Variants in MYH6 observed in about 807,000 individuals in gnomAD.
MYH6 encodes myosin-6.
In MYH6, 126 loss-of-function variants were observed where a neutral mutation model predicts 223.2. The ratio of observed to expected loss-of-function variants is 0.56; its 90% CI spans 0.49 to 0.65. The LOEUF is 0.65. Among genes scored for constraint, MYH6 ranks in the 30% least tolerant of loss-of-function variants. The pLI, the probability that MYH6 is intolerant of heterozygous loss-of-function variation, is 0.00. For missense variants in MYH6, 2,040 were observed against 2,536.4 expected (o/e 0.80, Z 4.20); for synonymous variants, 978 against 1,010.2 (o/e 0.97, Z 0.61).
chr14:23,384,751 GC>G (rs1566504680), intron 35 of MYH6, 34 bp from the exon 36 acceptor site: 3 of 1,614,176 alleles, frequency 1.9e-6, no homozygotes, highest in Non-Finnish European at 8.5e-7. Context: ...AGGAACATGG[GC>G]CAGGGGCCGG....
intron 10 of MYH6, 146 bp from the exon 11 acceptor site, chr14:23,402,946 A>G (rs550481590): frequency 2.9e-6 from 2 of 701,644 alleles, no homozygotes; most frequent in Non-Finnish European, 5.0e-6. Flanking sequence ...CAGGGAGAGA[A>G]GAGAAGTCAG....
chr14:23,396,904 C>A, intron 18 of MYH6, 59 bp downstream of exon 18: 1 of 1,612,532 alleles, frequency 6.2e-7, no homozygotes. Flanking sequence ...AGATCCCATT[C>A]CCATCAGGGC....
rs1283312830 is a variant in MYH6 at position 23,392,949 on chromosome 14, C to G, written c.3214G>C (p.Glu1072Gln). ...KLTQESIMDL[E>Q]NDKLQLEEKL... ...TCTTCCAGCTGCAGTTTATCATTTT[C>G]CAGGTCCATGATGCTCTCCTGGGTC... Residue 1072 changes from glutamate (E) to glutamine (Q), a missense_variant, in exon 24 of 39, where the codon GAA becomes CAA. Around this residue, in one of 4 missense-constraint regions of MYH6, gnomAD observed 1,203 missense variants for 1,400.2 expected, o/e 0.86. Coordinates refer to ENST00000405093, the MANE Select transcript of MYH6 (RefSeq NM_002471.4). The G allele has an allele frequency of 6.2e-7, 1 of 1,614,218 alleles. No individual in the cohort carries two copies. The highest frequency in any genetic ancestry group is 1.1e-5 in the South Asian group (1 of 91,084).
At position 23,405,438 on chromosome 14, in the gene MYH6, G is replaced by T. The variant is rs971301050; in HGVS notation, c.346-59C>A. 9 of 1,612,420 alleles carry T rather than the reference G, an allele frequency of 5.6e-6. No homozygotes were observed. The highest frequency in any genetic ancestry group is 1.3e-5 in the African/African-American group (1 of 75,018). ...GTGGGGAGAGCCTGGGACAGGCAGT[G>T]GTGGCAGCCAGGCATGTCCCTGTTC... On this transcript the variant is annotated intron_variant, in intron 4 of 38. Coordinates refer to ENST00000405093, the MANE Select transcript of MYH6 (RefSeq NM_002471.4). This position sits in a 1 kb window ranked among gnomAD's most constrained non-coding sequence, Gnocchi z 4.7.
rs1881971078 is a variant in MYH6, at chr14:23,386,525, C to G, written c.4749G>C (p.Glu1583Asp). ...GGTTGCGCTTGGCCTGTTCCATCTC[C>G]TCGTCCTTCTCTGCCAGCTTCCGCT... ...EIERKLAEKD[E>D]EMEQAKRNHQ... The change falls in exon 33 of 39, where the codon GAG becomes GAC. Residue 1583 changes from glutamate to aspartate, a missense_variant. By Grantham distance (45) the Glu-to-Asp change is conservative (BLOSUM62 2). Transcript: ENST00000405093. 1.9e-6 allele frequency: 3 copies of G among 1,614,158 alleles called. No homozygotes were observed. The highest frequency in any genetic ancestry group is 2.5e-6 in the Non-Finnish European group (3 of 1,180,022).
At position 23,398,949 on chromosome 14, in the gene MYH6, T is replaced by C; in HGVS notation, c.1670A>G (p.His557Arg). 1.9e-6 allele frequency: 3 copies of C among 1,614,038 alleles called. No homozygotes were observed. Among genetic ancestry groups the C allele is most frequent in the Non-Finnish European group, 2.5e-6 (3 of 1,180,006 alleles). ...MTFKAKLYDN[H>R]LGKSNNFQKP... Reference sequence around the variant, plus strand: ...CTGGAAATTGTTGGACTTGCCCAGGTGGTTGTCGTACAGCTTGGCCTTGAA... The same window carrying C: ...CTGGAAATTGTTGGACTTGCCCAGGCGGTTGTCGTACAGCTTGGCCTTGAA... The change falls in exon 15 of 39, where the codon CAC becomes CGC. Residue 557 changes from histidine (H) to arginine (R), a missense_variant. By Grantham distance (29) the His-to-Arg change is conservative. This residue lies in a region of MYH6 where 649 missense variants were observed against 877.3 expected (regional missense o/e 0.74). Transcript: ENST00000405093.
rs761261129 is a variant in MYH6, at chr14:23,396,649, C to T, written c.2292+45G>A. On this transcript the variant is annotated intron_variant, in intron 19 of 38. Coordinates refer to ENST00000405093, the MANE Select transcript of MYH6 (RefSeq NM_002471.4). ...CTAAACTCCTCTCTGCTCCACTCAACATGGCCACCTGCCCTGCAACCACCC... is the reference window on the plus strand; with the variant it reads ...CTAAACTCCTCTCTGCTCCACTCAATATGGCCACCTGCCCTGCAACCACCC... 2.2e-5 allele frequency: 35 copies of T among 1,613,898 alleles called. No homozygotes were observed. In the South Asian group the frequency reaches 3.3e-4, roughly 15 times the overall value.
In MYH6 at chr14:23,389,250, C is replaced by T. The variant is rs1046311626; in HGVS notation, c.3978+143G>A. 132 of 1,166,470 alleles carry T rather than the reference C, an allele frequency of 1.1e-4. No homozygotes were observed. The South Asian group carries it at 1.2e-3, about 11-fold the overall frequency. 72.3% of individuals were successfully genotyped at this position (1,166,470 alleles called of 1,614,324 possible). A position where few individuals can be genotyped will look rare whatever the true frequency, so the allele number is the denominator to read the frequency against. ...GAATAAGAAAAGAGGCATTAAATGA[C>T]GCTTAGCTGCAGGGCAGAACCTAGA... On this transcript the variant is annotated intron_variant, in intron 28 of 38. Coordinates refer to ENST00000405093, the MANE Select transcript of MYH6 (RefSeq NM_002471.4).
Position 23,397,246 on chromosome 14 carries a change from G to A in MYH6, c.1974C>T (p.Asn658=). 6.2e-7 allele frequency: 1 copy of A among 1,614,196 alleles called. No homozygotes were observed. Among genetic ancestry groups the A allele is most frequent in the Admixed American group, 1.7e-5 (1 of 60,032 alleles). ...TVSALHRENL[N]KLMTNLRTTH... is the part of the protein sequence containing the mutation. ...TGGTCCTCAGGTTGGTCATTAGCTT[G>A]TTGAGATTTTCCTGGAGGCAGATGA... Residue 658 remains asparagine, a synonymous_variant, in exon 17 of 39, where the codon AAC becomes AAT. Coordinates refer to ENST00000405093, the MANE Select transcript of MYH6 (RefSeq NM_002471.4).
intron 37 of MYH6, 100 bp downstream of exon 37, chr14:23,383,125 A>G: frequency 9.2e-7 from 1 of 1,090,472 alleles, no homozygotes; most frequent in Non-Finnish European, 1.4e-6. Flanking sequence ...GTTAAAGTTT[A>G]TAGCAAACTC....
chr14:23,385,887 C>A, intron 34 of MYH6, 41 bp downstream of exon 34: 1 of 1,613,876 alleles, frequency 6.2e-7, no homozygotes, highest in Non-Finnish European at 8.5e-7. Context: ...CTGGGCTCTG[C>A]ACTCAGTAGG....
chr14:23,388,654 A>G, intron 29 of MYH6: 1 of 933,168 alleles, frequency 1.1e-6, no homozygotes, highest in Admixed American at 1.7e-5. Flanking sequence ...CCGGGCCAAA[A>G]GCTCGCCCGT....
rs749590325 is a variant in MYH6, at chr14:23,400,969, T to C, written c.1150A>G (p.Lys384Glu). 1.2e-6 allele frequency: 2 copies of C among 1,614,032 alleles called. No individual in the cohort carries two copies. The highest frequency in any genetic ancestry group is 1.7e-6 in the Non-Finnish European group (2 of 1,179,998). The change falls in exon 13 of 39, where the codon AAG becomes GAG. Residue 384 changes from lysine (K) to glutamate (E), a missense_variant. Lys to Glu is a moderately conservative substitution (Grantham distance 56, BLOSUM62 1). Transcript: ENST00000405093. ...AEPDGTEDAD[K>E]SAYLMGLNSA... ...TTCAGCCCCATGAGGTAGGCCGACT[T>C]GTCAGCATCTGGTTGAGAGGGAAAG...
chr14:23,398,935 T>G lies in MYH6; in HGVS notation c.1684A>C (p.Asn562His). ...ATGTTGCGTGGCTTCTGGAAATTGTTGGACTTGCCCAGGTGGTTGTCGTAC... is the reference window on the plus strand; with the variant it reads ...ATGTTGCGTGGCTTCTGGAAATTGTGGGACTTGCCCAGGTGGTTGTCGTAC... The part of the protein sequence containing the change: ...KLYDNHLGKS[N>H]NFQKPRNIKG... Residue 562 changes from asparagine (N) to histidine (H), a missense_variant, in exon 15 of 39, where the codon AAC becomes CAC. By Grantham distance (68) the Asn-to-His change is moderately conservative. Transcript: ENST00000405093. The G allele has an allele frequency of 6.2e-7, 1 of 1,614,180 alleles. No individual in the cohort carries two copies. Among genetic ancestry groups the G allele is most frequent in the Non-Finnish European group, 8.5e-7 (1 of 1,180,024 alleles).
At chr14:23,397,135 T>A in intron 17 of MYH6, 35 bp downstream of exon 17, 1 of 1,614,198 alleles carries the variant, frequency 6.2e-7, no homozygotes. Context: ...GGATGCCAGC[T>A]GTCCTCCCCA....
In MYH6 at chr14:23,397,572, A is replaced by T. The variant is rs1891436987; in HGVS notation, c.1933T>A (p.Ser645Thr). Reference sequence around the variant, plus strand: ...TGGAGAGCCGACACCGTCTGGAAGGATGAGCCCTTTTTCTTGCCTCCTTTG... The same window carrying T: ...TGGAGAGCCGACACCGTCTGGAAGGTTGAGCCCTTTTTCTTGCCTCCTTTG... Reference protein sequence around the residue: ...KSKGGKKKGSSFQTVSALHRE... With the variant: ...KSKGGKKKGSTFQTVSALHRE... The change falls in exon 16 of 39, where the codon TCC becomes ACC. Residue 645 changes from serine to threonine, a missense_variant. Ser to Thr is a moderately conservative substitution (Grantham distance 58, BLOSUM62 1). This residue lies in a region of MYH6 where 649 missense variants were observed against 877.3 expected (regional missense o/e 0.74). Transcript: ENST00000405093. 6.2e-7 allele frequency: 1 copy of T among 1,614,206 alleles called. No individual in the cohort carries two copies. Among genetic ancestry groups the T allele is most frequent in the Non-Finnish European group, 8.5e-7 (1 of 1,180,046 alleles).
In MYH6 at chr14:23,405,777, G is replaced by A. The variant is rs1891767833; in HGVS notation, c.202-7C>T. 1 of 1,614,114 alleles carries A rather than the reference G, an allele frequency of 6.2e-7. No homozygotes were observed. On this transcript the variant is annotated splice_region_variant and splice_polypyrimidine_tract_variant and intron_variant, in intron 3 of 38. Transcript: ENST00000405093. The surrounding 1 kb of genome is among the most constrained non-coding windows in gnomAD (Gnocchi z 4.7). ...CCTCCTTCACAGTCACCGTCTGGAG[G>A]GGGCGCATAAGCAGGAGGATGAGTG...
In MYH6 at chr14:23,387,786, G is replaced by A. The variant is rs771191251; in HGVS notation, c.4497C>T (p.Thr1499=). 1 of 1,614,036 alleles carries A rather than the reference G, an allele frequency of 6.2e-7. No homozygotes were observed. The highest frequency in any genetic ancestry group is 1.1e-5 in the South Asian group (1 of 91,068). ...AYEESLEHLE[T]FKRENKNLQE... is the part of the protein sequence containing the mutation. ...GAAGGTTCTTGTTCTCCCGCTTGAA[G>A]GTCTCTAGGTGCTCCAGGGACTCCT... Residue 1499 remains threonine, a synonymous_variant, in exon 31 of 39, where the codon ACC becomes ACT. Coordinates refer to ENST00000405093, the MANE Select transcript of MYH6 (RefSeq NM_002471.4).
chr14:23,383,359 G>T, intron 36 of MYH6, 39 bp from the exon 37 acceptor site: 1 of 1,460,638 alleles, frequency 6.8e-7, no homozygotes, highest in South Asian at 1.2e-5. Flanking sequence ...TTTGGAGGGG[G>T]AGCAAATGCA....
Sources: allele counts gnomAD v4.1 joint callset, GRCh38; gene constraint gnomAD v4.1.1; regional missense constraint gnomAD v4.1.1; non-coding constraint Gnocchi (gnomAD v3.1); transcripts MANE v1.5; gene names NCBI Gene and HGNC (gene_info 2026-07-23, HGNC 2026-07-21).